EML6: variants seen among roughly 807,000 people sequenced by gnomAD.
EML6 encodes EMAP like 6.
A neutral mutation model predicts 240.1 loss-of-function variants in EML6; 154 were observed. That is an observed-to-expected ratio of 0.64 (90% CI 0.56 to 0.73). EML6 has a LOEUF of 0.73. EML6 is among the 30% of genes least tolerant of loss of function. EML6 has a pLI of 0.00. For synonymous variants in EML6, 1,148 were observed against 899.0 expected (o/e 1.28, Z -4.95); for missense variants, 2,964 against 2,474.6 (o/e 1.20, Z -4.20).
rs941269731 is a variant in EML6 at position 54,850,015 on chromosome 2, T to A, written c.1241T>A (p.Met414Lys). 1 of 1,551,566 alleles carries A rather than the reference T, an allele frequency of 6.4e-7. No homozygotes were observed. Among genetic ancestry groups the A allele is most frequent in the Admixed American group, 2.0e-5 (1 of 50,992 alleles). The change falls in exon 10 of 42, where the codon ATG becomes AAG. Residue 414 changes from methionine to lysine, a missense_variant. Coordinates refer to ENST00000356458, the MANE Select transcript of EML6 (RefSeq NM_001039753.4). ...GATCGAAAAGAAGTCATTCATGAAA[T>A]GAAATTTTCTCCAGATGGTTCTTAC... ...IKDRKEVIHE[M>K]KFSPDGSYLA...
intron 2 of EML6, among the ~76,000 whole-genome samples, chr2:54,787,903 C>A (rs1377815439): frequency 6.6e-6 from 1 of 152,078 alleles, no homozygotes; most frequent in Non-Finnish European, 1.5e-5. Context: ...TTGTACACAC[C>A]CCGTCCCCCG....
intron 11 of EML6, among the ~76,000 whole-genome samples, chr2:54,858,150 C>T (rs187399391): frequency 6.6e-6 from 1 of 152,336 alleles, no homozygotes; most frequent in Admixed American, 6.5e-5. Context: ...TCCAAGATGG[C>T]TCACTCATGT....
intron 28 of EML6, 131 bp from the exon 29 acceptor site, chr2:54,948,751 G>A: frequency 1.5e-6 from 1 of 683,876 alleles, no homozygotes; most frequent in South Asian, 1.7e-5. Flanking sequence ...GGACTGAACA[G>A]ATCCAAGTGG....
chr2:54,907,260 C>T (rs1408212996), intron 24 of EML6, among the ~76,000 whole-genome samples: 1 of 152,162 alleles, frequency 6.6e-6, no homozygotes, highest in East Asian at 1.9e-4. Context: ...CCTGTATTCT[C>T]AGCACTTTGG....
intron 21 of EML6, among the ~76,000 whole-genome samples, chr2:54,897,845 C>T (rs1054284434): frequency 6.6e-6 from 1 of 152,128 alleles, no homozygotes; most frequent in Non-Finnish European, 1.5e-5. Context: ...GGAATAAGGG[C>T]TTCCTGCTTG....
chr2:54,731,623 T>A (rs35378964), intron 2 of EML6, among the ~76,000 whole-genome samples: 29,050 of 139,302 alleles, frequency 0.21, 2,889 homozygotes, highest in African/African-American at 0.23. Context: ...TCAAAAAAAA[T>A]ATATATATAT....
In EML6 at chr2:54,885,773, G is replaced by A. The variant is rs561107521; in HGVS notation, c.2439-5281G>A. Among the ~76,000 whole-genome samples, 50 of 152,014 alleles carry A rather than the reference G, an allele frequency of 3.3e-4. 2 individuals are homozygous for A. Among genetic ancestry groups the A allele is most frequent in the African/African-American group, 1.1e-3 (46 of 41,490 alleles). On this transcript the variant is annotated intron_variant, in intron 17 of 41. Transcript: ENST00000356458. Reference sequence around the variant, plus strand: ...ACTACAGGCGCCAGCCACCGCGCCCGGCTAATTTTTTGTATTTTTAGTAGA... The same window carrying A: ...ACTACAGGCGCCAGCCACCGCGCCCAGCTAATTTTTTGTATTTTTAGTAGA...
At chr2:54,891,238 C>T (rs139310211) in intron 18 of EML6, 84 bp downstream of exon 18, 97 of 629,604 alleles carry the variant, frequency 1.5e-4, no homozygotes, top group Non-Finnish European at 2.4e-4. Flanking sequence ...GTTGCTACTA[C>T]CTCGCTTGTC....
At chr2:54,769,567 T>C (rs1668325378) in intron 2 of EML6, among the ~76,000 whole-genome samples, 1 of 124,116 alleles carries the variant, frequency 8.1e-6, no homozygotes, top group South Asian at 2.5e-4. Context: ...CAAAATTTTA[T>C]ATACTTTATT....
At chr2:54,860,517 A>T (rs1670619433) in intron 12 of EML6, among the ~76,000 whole-genome samples, 1 of 152,170 alleles carries the variant, frequency 6.6e-6, no homozygotes, top group South Asian at 2.1e-4. Flanking sequence ...CCCAGCTGGC[A>T]GCCTAAGAAA....
At chr2:54,898,676 C>G (rs964369912) in intron 21 of EML6, among the ~76,000 whole-genome samples, 4 of 152,142 alleles carry the variant, frequency 2.6e-5, no homozygotes, top group East Asian at 1.9e-4. Flanking sequence ...GCCACCTGTT[C>G]CCCAAAGCAT....
At chr2:54,904,539 T>C (rs1378516857) in intron 24 of EML6, among the ~76,000 whole-genome samples, 1 of 152,072 alleles carries the variant, frequency 6.6e-6, no homozygotes, top group East Asian at 1.9e-4. Flanking sequence ...CAGATAGCGC[T>C]ATCAAGGAAG....
intron 2 of EML6, among the ~76,000 whole-genome samples, chr2:54,783,958 T>A (rs900667399): frequency 1.3e-5 from 2 of 151,520 alleles, no homozygotes; most frequent in East Asian, 3.8e-4. Context: ...ACTGTTTCAA[T>A]TTTTTTTTGA....
Position 54,970,468 on chromosome 2 carries a change from A to G in EML6, c.*373A>G, listed in dbSNP as rs1676941332. Reference sequence around the variant, plus strand: ...TTTTAATTTGCATCAAAACTTTTACAAAGATGTTTTGCTATTGTTTCTATA... The same window carrying G: ...TTTTAATTTGCATCAAAACTTTTACGAAGATGTTTTGCTATTGTTTCTATA... On this transcript the variant is annotated 3_prime_UTR_variant, in exon 42 of 42. Coordinates refer to ENST00000356458, the MANE Select transcript of EML6 (RefSeq NM_001039753.4). 4.5e-6 allele frequency: 1 copy of G among 224,090 alleles called. No individual in the cohort carries two copies. The highest frequency in any genetic ancestry group is 9.1e-5 in the East Asian group (1 of 10,978). The allele number at this position is 224,090 out of a possible 1,614,324, so 13.9% of individuals were successfully genotyped here. A position where few individuals can be genotyped will look rare whatever the true frequency, so the allele number is the denominator to read the frequency against.
At chr2:54,853,382 A>G (rs1670196226) in intron 10 of EML6, among the ~76,000 whole-genome samples, 1 of 152,314 alleles carries the variant, frequency 6.6e-6, no homozygotes, top group Non-Finnish European at 1.5e-5. Context: ...TGTGACATTC[A>G]TAGAATGTGT....
intron 28 of EML6, among the ~76,000 whole-genome samples, chr2:54,946,800 A>C (rs1213431846): frequency 6.6e-6 from 1 of 152,186 alleles, no homozygotes; most frequent in Non-Finnish European, 1.5e-5. Flanking sequence ...GCCACAATGC[A>C]GGTTTCTTCC....
chr2:54,726,090 T>C (rs1206627750), intron 2 of EML6, among the ~76,000 whole-genome samples: 1 of 152,252 alleles, frequency 6.6e-6, no homozygotes, highest in Non-Finnish European at 1.5e-5. Context: ...TCAGCTTTTA[T>C]GTGAGCAAAC....
At chr2:54,915,014 T>G (rs975583533) in intron 25 of EML6, among the ~76,000 whole-genome samples, 14 of 152,146 alleles carry the variant, frequency 9.2e-5, no homozygotes, top group African/African-American at 3.4e-4. Flanking sequence ...CTCAGTTGCT[T>G]CCTTTGCAAA....
At chr2:54,808,331 A>G (rs972540056) in intron 2 of EML6, among the ~76,000 whole-genome samples, 9 of 152,160 alleles carry the variant, frequency 5.9e-5, no homozygotes, top group African/African-American at 1.9e-4. Context: ...TGCCTTGCAG[A>G]TGAACATCCA....
Sources: allele counts gnomAD v4.1 joint callset (sites outside exome capture counted in the v4.1 genomes callset), GRCh38; gene constraint gnomAD v4.1.1; transcripts MANE v1.5; gene names NCBI Gene and HGNC (gene_info 2026-07-23, HGNC 2026-07-21).